TCTN2: variants seen among roughly 807,000 people sequenced by gnomAD.
TCTN2 encodes the protein tectonic family member 2.
A neutral mutation model predicts 83.4 loss-of-function variants in TCTN2; 66 were observed. That is an observed-to-expected ratio of 0.79 (90% CI 0.65 to 0.97). The LOEUF (loss-of-function observed/expected upper bound fraction) is 0.97, where lower values mean the gene tolerates loss of function less well. Among genes scored for constraint, TCTN2 ranks in the 50% least tolerant of loss-of-function variants. The pLI, the probability that TCTN2 is intolerant of heterozygous loss-of-function variation, is 0.00. For missense variants in TCTN2, 794 were observed against 858.1 expected (o/e 0.93, Z 0.93); for synonymous variants, 301 against 326.7 (o/e 0.92, Z 0.85).
Position 123,706,719 on chromosome 12 carries a change from C to T in TCTN2, c.1770-7C>T, listed in dbSNP as rs1290459972. The stretch of plus-strand genomic sequence containing the variant: ...GCTATGCTGACCATGTGATCTTTCC[C>T]TCCTAGGTTCTCCTCAGTGAACTGG... On this transcript the variant is annotated splice_region_variant and splice_polypyrimidine_tract_variant and intron_variant, in intron 15 of 17. Transcript: ENST00000303372. 1.2e-6 allele frequency: 2 copies of T among 1,613,694 alleles called. No individual in the cohort carries two copies. The highest frequency in any genetic ancestry group is 1.7e-6 in the Non-Finnish European group (2 of 1,179,916).
chr12:123,698,400 C>G (rs1956135310), intron 13 of TCTN2, among the ~76,000 whole-genome samples: 1 of 150,906 alleles, frequency 6.6e-6, no homozygotes, highest in Non-Finnish European at 1.5e-5. Flanking sequence ...CTAATAGATA[C>G]TAAGTGGTAT....
intron 4 of TCTN2, 65 bp downstream of exon 4, chr12:123,673,875 G>C (rs958522184): frequency 5.3e-5 from 82 of 1,532,938 alleles, no homozygotes; most frequent in Non-Finnish European, 6.9e-5. Flanking sequence ...GGAAGAGGTA[G>C]GAGGATTGCT....
intron 14 of TCTN2, among the ~76,000 whole-genome samples, chr12:123,702,478 T>A (rs961941233): frequency 7.9e-5 from 12 of 152,196 alleles, no homozygotes; most frequent in Admixed American, 6.5e-4. Flanking sequence ...GTGATATGTC[T>A]GTGAGCTTGA....
intron 5 of TCTN2, among the ~76,000 whole-genome samples, chr12:123,679,736 G>GTTTTTT (rs768949387): frequency 1.9e-5 from 2 of 105,740 alleles, no homozygotes; most frequent in Admixed American, 1.0e-4. Flanking sequence ...TTCAAATTGA[G>GTTTTTT]TTTTTTTTTT....
At chr12:123,689,378 G>T (rs1289827612) in intron 7 of TCTN2, among the ~76,000 whole-genome samples, 1 of 152,132 alleles carries the variant, frequency 6.6e-6, no homozygotes, top group Non-Finnish European at 1.5e-5. Flanking sequence ...GTAGAGATGG[G>T]GGTTTCACTA....
At chr12:123,695,110 G>C in intron 10 of TCTN2, 110 bp from the exon 11 acceptor site, 1 of 1,425,566 alleles carries the variant, frequency 7.0e-7, no homozygotes, top group Non-Finnish European at 9.8e-7. Flanking sequence ...TTTAATTAAC[G>C]AGAGTACACT....
At chr12:123,691,455 C>T (rs1018106203) in intron 8 of TCTN2, among the ~76,000 whole-genome samples, 1 of 152,158 alleles carries the variant, frequency 6.6e-6, no homozygotes, top group East Asian at 1.9e-4. Context: ...ATGGTTCATC[C>T]GTGTTTGTAG....
In TCTN2 at chr12:123,699,821, C is replaced by T. The variant is rs376075139; in HGVS notation, c.1612+11C>T. On this transcript the variant is annotated intron_variant, in intron 14 of 17. Transcript: ENST00000303372. ...GGCTCGAAATAATACGTAAGTCAAACCCGGGTACAATAAAGCCTGTAACTT... is the reference window on the plus strand; with the variant it reads ...GGCTCGAAATAATACGTAAGTCAAATCCGGGTACAATAAAGCCTGTAACTT... 38 of 1,609,028 alleles carry T rather than the reference C, an allele frequency of 2.4e-5. No individual in the cohort carries two copies. Among genetic ancestry groups the T allele is most frequent in the Admixed American group, 5.0e-5 (3 of 59,984 alleles).
chr12:123,671,210 T>A lies in TCTN2; in HGVS notation c.-31T>A, dbSNP rs1196013080. The A allele has an allele frequency of 3.1e-6, 5 of 1,599,654 alleles. No homozygotes were observed. Among genetic ancestry groups the A allele is most frequent in the Non-Finnish European group, 4.3e-6 (5 of 1,172,648 alleles). On this transcript the variant is annotated 5_prime_UTR_variant, in exon 1 of 18. Coordinates refer to ENST00000303372, the MANE Select transcript of TCTN2 (RefSeq NM_024809.5). ...TCCTGGGTTCTAATGAGGGCGCGGT[T>A]CTGCTGTGCCCGGCCCGCGAGGTCT...
intron 14 of TCTN2, among the ~76,000 whole-genome samples, chr12:123,703,280 C>T (rs1956193187): frequency 6.6e-6 from 1 of 151,522 alleles, no homozygotes; most frequent in Non-Finnish European, 1.5e-5. Context: ...TCCCAGGTTT[C>T]AAGTGATTCT....
rs750788886 is a variant in TCTN2, at chr12:123,707,054, A to T, written c.1965A>T (p.Pro655=). The T allele has an allele frequency of 6.2e-7, 1 of 1,613,510 alleles. No homozygotes were observed. Among genetic ancestry groups the T allele is most frequent in the East Asian group, 2.2e-5 (1 of 44,876 alleles). Residue 655 remains proline (P), a synonymous_variant, in exon 17 of 18, where the codon CCA becomes CCT. Coordinates refer to ENST00000303372, the MANE Select transcript of TCTN2 (RefSeq NM_024809.5). ...TGTGTTGGCCGCAGCTTCTATATCC[A>T]TGGACTCAGTATTATCAAGGTAGGG... is the stretch of plus-strand genomic sequence containing the variant. ...NEVCWPQLLY[P]WTQYYQGELH...
rs1956075412 is a variant in TCTN2 at position 123,693,795 on chromosome 12, G to T, written c.1100-1047G>T. 2.0e-5 allele frequency among the ~76,000 whole-genome samples: 3 copies of T among 149,736 alleles called. No homozygotes were observed. In the Admixed American group the frequency reaches 2.0e-4, roughly 10 times the overall value. ...ACCAGAACTTTAGTTTTTAATGAAG[G>T]ATACTGTTTGTTTCTTTCTTTTCTT... On this transcript the variant is annotated intron_variant, in intron 9 of 17. Transcript: ENST00000303372.
intron 16 of TCTN2, 42 bp from the exon 17 acceptor site, chr12:123,706,943 T>C: frequency 6.2e-7 from 1 of 1,613,476 alleles, no homozygotes; most frequent in Non-Finnish European, 8.5e-7. Context: ...GTTCTGATAC[T>C]TCTCACTTGT....
At chr12:123,671,678 C>T (rs2135813927) in intron 2 of TCTN2, 64 bp downstream of exon 2, 2 of 1,490,470 alleles carry the variant, frequency 1.3e-6, no homozygotes, top group African/African-American at 1.4e-5. Context: ...CCCAAGGAGC[C>T]TGGAGAGGTG....
At chr12:123,698,184 AGGCATGT>A (rs1450251230) in intron 13 of TCTN2, among the ~76,000 whole-genome samples, 1 of 152,002 alleles carries the variant, frequency 6.6e-6, no homozygotes, top group Non-Finnish European at 1.5e-5. Context: ...CTGGGATTAC[AGGCATGT>A]GCCACCTCAC....
intron 14 of TCTN2, among the ~76,000 whole-genome samples, chr12:123,704,168 A>G (rs1384918445): frequency 7.2e-5 from 11 of 151,908 alleles, no homozygotes; most frequent in African/African-American, 2.2e-4. Flanking sequence ...CACCACGCCC[A>G]GCTAATTTTT....
At chr12:123,701,391 G>T (rs1407761533) in intron 14 of TCTN2, among the ~76,000 whole-genome samples, 1 of 152,298 alleles carries the variant, frequency 6.6e-6, no homozygotes, top group East Asian at 1.9e-4. Context: ...TAGGTGGATT[G>T]TATAGTATGT....
At chr12:123,681,831 T>A (rs1593841114) in intron 5 of TCTN2, among the ~76,000 whole-genome samples, 1 of 152,208 alleles carries the variant, frequency 6.6e-6, no homozygotes, top group East Asian at 1.9e-4. Context: ...AGCAGTTGCA[T>A]CATTTTAAAT....
At chr12:123,700,589 C>T (rs929560440) in intron 14 of TCTN2, among the ~76,000 whole-genome samples, 8 of 152,124 alleles carry the variant, frequency 5.3e-5, no homozygotes, top group Non-Finnish European at 1.2e-4. Flanking sequence ...CCCACCACCA[C>T]CTGGCTAATT....
Sources: allele counts gnomAD v4.1 joint callset (sites outside exome capture counted in the v4.1 genomes callset), GRCh38; gene constraint gnomAD v4.1.1; transcripts MANE v1.5; gene names NCBI Gene and HGNC (gene_info 2026-07-23, HGNC 2026-07-21).